RNF213: variants seen among roughly 807,000 people sequenced by gnomAD.
RNF213 encodes the protein ring finger protein 213.
Under a neutral mutation model 514.4 loss-of-function variants are expected in RNF213, and 341 were observed. That is an observed-to-expected ratio of 0.66 (90% CI 0.61 to 0.73). RNF213 has a LOEUF of 0.73. Among genes scored for constraint, RNF213 ranks in the 30% least tolerant of loss-of-function variants. RNF213 has a pLI of 0.00. For missense variants in RNF213, 5,767 were observed against 6,615.6 expected, an observed-to-expected ratio of 0.87 and a Z score of 4.45; for synonymous variants, 2,655 against 2,658.2, an observed-to-expected ratio of 1.00 and a Z score of 0.04.
chr17:80,338,039 A>T (rs2078039944), intron 25 of RNF213, 42 bp downstream of exon 25: 1 of 1,536,302 alleles, frequency 6.5e-7, no homozygotes, highest in African/African-American at 1.4e-5. Flanking sequence ...TGGTGGTGTC[A>T]TCTCGTCCGT....
intron 5 of RNF213, among the ~76,000 whole-genome samples, chr17:80,289,362 G>A (rs2044599009): frequency 6.6e-6 from 1 of 152,010 alleles, no homozygotes; most frequent in East Asian, 1.9e-4. Context: ...AGCCCAGGCG[G>A]GTGCATCACC....
chr17:80,280,944 T>G (rs1051439865), intron 3 of RNF213, among the ~76,000 whole-genome samples: 3 of 151,938 alleles, frequency 2.0e-5, no homozygotes, highest in African/African-American at 7.3e-5. Flanking sequence ...GAGCTGGAGT[T>G]AGGGCACTGC....
intron 59 of RNF213, among the ~76,000 whole-genome samples, chr17:80,384,450 C>T (rs2080151997): frequency 6.6e-6 from 1 of 152,318 alleles, no homozygotes; most frequent in South Asian, 2.1e-4. Flanking sequence ...CCCATTTGCA[C>T]TTTCATTTTC....
chr17:80,291,796 G>A lies in RNF213; in HGVS notation c.1440G>A (p.Leu480=), dbSNP rs142148113. Residue 480 remains leucine, a synonymous_variant, in exon 8 of 68, where the codon CTG becomes CTA. Transcript: ENST00000582970. ...QKKGEYVNRC[L]FIKSSLLGSG... is the part of the protein sequence containing the mutation. ...AGGGCGAGTACGTCAACCGCTGTCT[G>A]TTCATAAAATCTTCACTTCTGGGCT... 331 of 1,614,088 alleles carry A rather than the reference G, an allele frequency of 2.1e-4. No individual in the cohort carries two copies. The highest frequency in any genetic ancestry group is 2.4e-4 in the Non-Finnish European group (282 of 1,180,020).
In RNF213 at chr17:80,381,220, C is replaced by T. The variant is rs2079986993; in HGVS notation, c.13797+233C>T. 4.9e-6 allele frequency: 3 copies of T among 614,442 alleles called. No individual in the cohort carries two copies. The South Asian group carries it at 5.7e-5, about 12-fold the overall frequency. The allele number at this position is 614,442 out of a possible 1,614,324, so 38.1% of individuals were successfully genotyped here. ...TCCACTTCAAATTAACACTCTGTGTCTCTGGTCCACATCTGGGAGTAGAGA... is the reference window on the plus strand; with the variant it reads ...TCCACTTCAAATTAACACTCTGTGTTTCTGGTCCACATCTGGGAGTAGAGA... On this transcript the variant is annotated intron_variant, in intron 56 of 67. Transcript: ENST00000582970.
At chr17:80,350,823 G>A (rs2078483380) in intron 31 of RNF213, among the ~76,000 whole-genome samples, 1 of 152,220 alleles carries the variant, frequency 6.6e-6, no homozygotes, top group Non-Finnish European at 1.5e-5. Context: ...TGAAATGCGA[G>A]AGGTGTAAAT....
In RNF213 at chr17:80,339,992, A is replaced by G. The variant is rs1199745390; in HGVS notation, c.5625A>G (p.Ala1875=). The change falls in exon 26 of 68, where the codon GCA becomes GCG. Residue 1875 remains alanine, a synonymous_variant. Transcript: ENST00000582970. The stretch of plus-strand genomic sequence containing the variant: ...CGGCAACCACCTTTGAGGAGGTGGC[A>G]CTGTTGCTGCGCCGCTGCCTGACCC... ...CTPATTFEEV[A]LLLRRCLTLG... is the part of the protein sequence containing the mutation. The G allele has an allele frequency of 1.3e-6, 2 of 1,537,958 alleles. No homozygotes were observed. Among genetic ancestry groups the G allele is most frequent in the Non-Finnish European group, 1.7e-6 (2 of 1,147,088 alleles).
rs761089486 is a variant in RNF213 at position 80,373,059 on chromosome 17, TG to T, written c.12838del (p.Val4280CysfsTer78). The T allele has an allele frequency of 6.2e-6, 10 of 1,613,772 alleles. No individual in the cohort carries two copies. In the South Asian group the frequency reaches 1.1e-4, roughly 18 times the overall value. ...GAGAACGACTGGCACCGGGTGTACC[TG>T]GTGCGGAAGCTCAGCAGCCAGCGGG... The part of the protein sequence containing the change: ...RVENDWHRVY[L>X]VRKLSSQRGM... On this transcript the variant is annotated frameshift_variant, in exon 49 of 68. Transcript: ENST00000582970. LOFTEE classifies it high-confidence loss of function.
intron 2 of RNF213, 113 bp from the exon 3 acceptor site, chr17:80,273,128 C>A: frequency 7.0e-7 from 1 of 1,429,706 alleles, no homozygotes; most frequent in Non-Finnish European, 9.8e-7. Flanking sequence ...TGCAGGACCT[C>A]GGAGGGAGAA....
chr17:80,319,946 G>C (rs2046083551), intron 17 of RNF213: 1 of 1,027,600 alleles, frequency 9.7e-7, no homozygotes, highest in Non-Finnish European at 1.2e-6. Flanking sequence ...GAATTCCGGG[G>C]ACCAAGGGGT....
Position 80,363,822 on chromosome 17 carries a change from A to G in RNF213, c.11750+32A>G. 2 of 1,603,212 alleles carry G rather than the reference A, an allele frequency of 1.2e-6. 1 individual carries two copies. The highest frequency in any genetic ancestry group is 2.2e-5 in the South Asian group (2 of 90,006). The stretch of plus-strand genomic sequence containing the variant: ...CCCAGGAGCCCTCACCCACTGCTTC[A>G]TCTGGCGCGCGCTCACCAGGAGCCT... On this transcript the variant is annotated intron_variant, in intron 41 of 67. Transcript: ENST00000582970.
At position 80,360,198 on chromosome 17, in the gene RNF213, A is replaced by G. The variant is rs115808000; in HGVS notation, c.11192A>G (p.Asp3731Gly). The change falls in exon 38 of 68, where the codon GAC (aspartate) becomes GGC (glycine). Residue 3731 changes from aspartate to glycine, a missense_variant. This residue lies in a region of RNF213 where 355 missense variants were observed against 358.0 expected (regional missense o/e 0.99). Coordinates refer to ENST00000582970, the MANE Select transcript of RNF213 (RefSeq NM_001256071.3). Reference protein sequence around the residue: ...ELWVQAQYITDAEGLPKKFVD... With the variant: ...ELWVQAQYITGAEGLPKKFVD... ...TGGGTCCAGGCTCAGTACATCACAG[A>G]CGCAGAAGGTGAGGCTACCTCAAGA... is the stretch of plus-strand genomic sequence containing the variant. 1.5e-3 allele frequency: 2,411 copies of G among 1,613,042 alleles called. 31 individuals carry two copies. In the African/African-American group the frequency reaches 0.028, roughly 19 times the overall value.
intron 29 of RNF213, 152 bp from the exon 30 acceptor site, chr17:80,349,618 G>T: frequency 1.1e-6 from 1 of 926,244 alleles, no homozygotes; most frequent in Non-Finnish European, 1.7e-6. Context: ...GCCGTGTTTT[G>T]GGAAACTCCT....
rs753493557 is a variant in RNF213 at position 80,287,843 on chromosome 17, A to G, written c.290A>G (p.Lys97Arg). Residue 97 changes from lysine (K) to arginine (R), a missense_variant, in exon 4 of 68, where the codon AAG (lysine) becomes AGG (arginine). Physicochemically the swap from Lys to Arg is conservative, Grantham distance 26. Around this residue, in one of 13 missense-constraint regions of RNF213, gnomAD observed 509 missense variants for 496.7 expected, o/e 1.02. Coordinates refer to ENST00000582970, the MANE Select transcript of RNF213 (RefSeq NM_001256071.3). ...ESKKKKRKKK[K>R]KGNKSASSEL... ...AAAAAGAAGAAAAGGAAGAAGAAAA[A>G]GAAGGGGAACAAGTCCGCTTCCTCA... is the stretch of plus-strand genomic sequence containing the variant. 6.2e-7 allele frequency: 1 copy of G among 1,610,844 alleles called. No individual in the cohort carries two copies. Among genetic ancestry groups the G allele is most frequent in the Admixed American group, 1.7e-5 (1 of 59,870 alleles).
At chr17:80,359,430 G>A (rs138841786) in intron 37 of RNF213, among the ~76,000 whole-genome samples, 13 of 150,304 alleles carry the variant, frequency 8.6e-5, no homozygotes, top group African/African-American at 2.4e-4. Flanking sequence ...AAGCTGAGGC[G>A]GGAGGATTGC....
intron 17 of RNF213, among the ~76,000 whole-genome samples, chr17:80,322,798 T>C (rs1021447371): frequency 2.0e-5 from 3 of 152,336 alleles, no homozygotes; most frequent in South Asian, 2.1e-4. Context: ...TTGTCAGATA[T>C]ATGATTGCAA....
At chr17:80,355,635 A>G (rs189767839) in intron 36 of RNF213, among the ~76,000 whole-genome samples, 4,776 of 15,812 alleles carry the variant, frequency 0.3, 1,416 homozygotes, top group Non-Finnish European at 0.33. Context: ...GGGGGCTTAC[A>G]GGGGAAGAAG....
intron 36 of RNF213, chr17:80,355,288 T>G (rs2078692209): frequency 2.3e-6 from 1 of 432,504 alleles, no homozygotes; most frequent in Non-Finnish European, 4.6e-6. Context: ...CCAGGTGTGA[T>G]CTGCAGGAGG....
In RNF213 at chr17:80,266,901, C is replaced by T. The variant is rs182545226; in HGVS notation, c.97+3123C>T. 1.3e-3 allele frequency among the ~76,000 whole-genome samples: 205 copies of T among 152,252 alleles called. 2 individuals carry two copies. The East Asian group carries it at 0.022, about 16-fold the overall frequency. On this transcript the variant is annotated intron_variant, in intron 2 of 67. Coordinates refer to ENST00000582970, the MANE Select transcript of RNF213 (RefSeq NM_001256071.3). ...GATAGGCTGATAGCTAGGCCTCTTG[C>T]ACCAAATGGTTAGCCAAGTTGTAAA...
Sources: allele counts gnomAD v4.1 joint callset (sites outside exome capture counted in the v4.1 genomes callset), GRCh38; gene constraint gnomAD v4.1.1; regional missense constraint gnomAD v4.1.1; transcripts MANE v1.5; gene names NCBI Gene and HGNC (gene_info 2026-07-23, HGNC 2026-07-21).